The following PAM variants were observed in gnomAD, a reference collection of about 807,000 sequenced individuals.
PAM encodes the protein peptidyl-glycine alpha-amidating monooxygenase.
Under a neutral mutation model 122.1 loss-of-function variants are expected in PAM, and 72 were observed. The ratio of observed to expected loss-of-function variants is 0.59; its 90% CI spans 0.49 to 0.72. The LOEUF (loss-of-function observed/expected upper bound fraction) is 0.72. PAM is among the 30% of genes least tolerant of loss of function. The probability of loss-of-function intolerance (pLI) is 0.00; values close to 1 mark genes in which losing one functional copy is unlikely to be tolerated. For missense variants in PAM, 1,106 were observed against 1,183.7 expected, an observed-to-expected ratio of 0.93 and a Z score of 0.96; for synonymous variants, 389 against 404.4, an observed-to-expected ratio of 0.96 and a Z score of 0.46.
intron 7 of PAM, among the ~76,000 whole-genome samples, chr5:102,942,480 C>G (rs1190299265): frequency 6.6e-6 from 1 of 151,840 alleles, no homozygotes; most frequent in Non-Finnish European, 1.5e-5. Context: ...TTTGTATGTT[C>G]AAGACAGAGA....
intron 15 of PAM, among the ~76,000 whole-genome samples, chr5:102,988,138 C>T (rs958427423): frequency 3.3e-5 from 5 of 152,184 alleles, no homozygotes; most frequent in Non-Finnish European, 7.3e-5. Flanking sequence ...GACATACACA[C>T]GTATCCTTTC....
intron 7 of PAM, among the ~76,000 whole-genome samples, chr5:102,934,618 C>A (rs1469997169): frequency 6.6e-6 from 1 of 152,130 alleles, no homozygotes; most frequent in East Asian, 1.9e-4. Flanking sequence ...GGACACAAAC[C>A]TTTATGCAAA....
At chr5:103,019,656 C>T (rs981208903) in intron 22 of PAM, 134 bp from the exon 23 acceptor site, 24 of 663,858 alleles carry the variant, frequency 3.6e-5, no homozygotes, top group Non-Finnish European at 2.7e-6. Flanking sequence ...GTATTGAACT[C>T]TTTCCTAATA....
intron 12 of PAM, among the ~76,000 whole-genome samples, chr5:102,959,506 G>A (rs910346265): frequency 2.6e-5 from 4 of 152,016 alleles, no homozygotes; most frequent in African/African-American, 9.7e-5. Context: ...GATTTTCCAC[G>A]AGAACAATAA....
At chr5:102,984,424 G>A (rs1017941647) in intron 15 of PAM, among the ~76,000 whole-genome samples, 1 of 152,106 alleles carries the variant, frequency 6.6e-6, no homozygotes, top group Non-Finnish European at 1.5e-5. Context: ...ACAAAAACAA[G>A]CACGAGTAGC....
chr5:102,859,673 T>G (rs565779485), intron 1 of PAM, among the ~76,000 whole-genome samples: 2 of 152,284 alleles, frequency 1.3e-5, no homozygotes, highest in South Asian at 2.1e-4. Context: ...TATAGTAGTG[T>G]ACAGTAATGT....
In PAM at chr5:102,948,431, C is replaced by A; in HGVS notation, c.629C>A (p.Pro210Gln). Reference sequence around the variant, plus strand: ...ATGATGTCTGTTGACACTGTTATCCCAGCAGGAGAAAAAGGTGAGTAATGA... The same window carrying A: ...ATGATGTCTGTTGACACTGTTATCCAAGCAGGAGAAAAAGGTGAGTAATGA... ...YLMMSVDTVI[P>Q]AGEKVVNSDI... Residue 210 changes from proline to glutamine, a missense_variant, in exon 9 of 26, where the codon CCA becomes CAA. By Grantham distance (76) the Pro-to-Gln change is moderately conservative. This residue lies in a region of PAM where 670 missense variants were observed against 690.3 expected (regional missense o/e 0.97). Transcript: ENST00000438793. The A allele has an allele frequency of 6.4e-7, 1 of 1,558,716 alleles. No homozygotes were observed. Among genetic ancestry groups the A allele is most frequent in the Non-Finnish European group, 8.8e-7 (1 of 1,131,590 alleles).
At chr5:102,847,558 G>C (rs71586354) in intron 1 of PAM, among the ~76,000 whole-genome samples, 5 of 150,976 alleles carry the variant, frequency 3.3e-5, no homozygotes, top group Non-Finnish European at 7.4e-5. Context: ...CTTTATTTGG[G>C]AAAAAAAAAT....
chr5:102,946,733 T>A, intron 7 of PAM, 104 bp from the exon 8 acceptor site: 1 of 723,562 alleles, frequency 1.4e-6, no homozygotes, highest in Non-Finnish European at 2.4e-6. Context: ...GAAACATAAC[T>A]TGTGTTTTAA....
chr5:102,879,944 G>T (rs1290711803), intron 3 of PAM, among the ~76,000 whole-genome samples: 1 of 152,090 alleles, frequency 6.6e-6, no homozygotes, highest in Non-Finnish European at 1.5e-5. Context: ...CACAATGACA[G>T]TACTGCCTGA....
intron 1 of PAM, among the ~76,000 whole-genome samples, chr5:102,791,171 ACT>A (rs1761963139): frequency 1.3e-5 from 2 of 152,026 alleles, no homozygotes; most frequent in South Asian, 4.1e-4. Flanking sequence ...TATAAATGAC[ACT>A]CTGATGAAAA....
intron 1 of PAM, among the ~76,000 whole-genome samples, chr5:102,814,386 A>T (rs887000774): frequency 6.6e-6 from 1 of 152,024 alleles, no homozygotes; most frequent in African/African-American, 2.4e-5. Context: ...TCAGAATACA[A>T]TCCAAGCAAT....
At chr5:103,025,655 G>A (rs915784526) in intron 24 of PAM, among the ~76,000 whole-genome samples, 1 of 152,108 alleles carries the variant, frequency 6.6e-6, no homozygotes, top group East Asian at 1.9e-4. Context: ...TAAATTAGCT[G>A]AAGGATCAGA....
chr5:102,990,996 A>G (rs946146139), intron 16 of PAM, among the ~76,000 whole-genome samples: 1 of 152,166 alleles, frequency 6.6e-6, no homozygotes, highest in African/African-American at 2.4e-5. Context: ...AGGACTATCT[A>G]TTACTCCTGC....
At chr5:102,754,970 C>A (rs1344146571), upstream of PAM, 1 of 152,282 alleles carries the variant, frequency 6.6e-6, no homozygotes, top group Non-Finnish European at 1.5e-5. Context: ...CCAGCACACG[C>A]GACCCCCGCA....
intron 1 of PAM, among the ~76,000 whole-genome samples, chr5:102,782,644 T>C (rs899849187): frequency 1.3e-5 from 2 of 151,946 alleles, no homozygotes; most frequent in African/African-American, 2.4e-5. Flanking sequence ...AAGTTCCAGG[T>C]AGTGGAAAAG....
At chr5:102,795,383 TTTA>T (rs1318787767) in intron 1 of PAM, among the ~76,000 whole-genome samples, 1 of 152,086 alleles carries the variant, frequency 6.6e-6, no homozygotes, top group Non-Finnish European at 1.5e-5. Flanking sequence ...GAAGAAATGT[TTTA>T]AACTGCTGTC....
intron 1 of PAM, among the ~76,000 whole-genome samples, chr5:102,807,788 T>C (rs576590052): frequency 6.6e-6 from 1 of 152,352 alleles, no homozygotes; most frequent in South Asian, 2.1e-4. Context: ...TATGAATACT[T>C]AGACTGTTGC....
intron 21 of PAM, 50 bp from the exon 22 acceptor site, chr5:103,017,284 G>C: frequency 1.8e-6 from 2 of 1,108,672 alleles, no homozygotes; most frequent in Non-Finnish European, 2.7e-6. Context: ...TTTCATGAAG[G>C]ATTCAAGTAA....
Sources: gnomAD v4.1 joint callset for allele counts (sites outside exome capture counted in the v4.1 genomes callset) on GRCh38, gnomAD v4.1.1 for gene constraint, gnomAD v4.1.1 regional missense constraint, MANE v1.5 for transcripts, NCBI Gene and HGNC (gene_info 2026-07-23, HGNC 2026-07-21) for gene names.